RBM20: variants seen among roughly 807,000 people sequenced by gnomAD.
The protein encoded by RBM20 is RNA-binding protein 20.
A neutral mutation model predicts 110.1 loss-of-function variants in RBM20; 51 were observed. That is an observed-to-expected ratio of 0.46 (90% CI 0.37 to 0.59). RBM20 has a LOEUF of 0.59. Among genes scored for constraint, RBM20 ranks in the 20% least tolerant of loss-of-function variants. The pLI is 0.00. For synonymous variants in RBM20, 589 were observed against 618.2 expected (o/e 0.95, Z 0.70); for missense variants, 1,512 against 1,574.9 (o/e 0.96, Z 0.68).
At chr10:110,698,157 C>G (rs1862695789) in intron 1 of RBM20, among the ~76,000 whole-genome samples, 1 of 152,190 alleles carries the variant, frequency 6.6e-6, no homozygotes, top group African/African-American at 2.4e-5. Context: ...ATCCGCCCAC[C>G]TCGGCCTCCC....
At chr10:110,697,917 T>C (rs113601062) in intron 1 of RBM20, among the ~76,000 whole-genome samples, 25,824 of 146,934 alleles carry the variant, frequency 0.18, 2,504 homozygotes, top group East Asian at 0.31. Context: ...TTTTTTCTTT[T>C]TTTTTTTTGA....
chr10:110,745,969 AC>A lies in RBM20; in HGVS notation c.192-34828del, dbSNP rs202051892. 3.8e-4 allele frequency among the ~76,000 whole-genome samples: 58 copies of A among 152,190 alleles called. No individual in the cohort carries two copies. In the East Asian group the frequency reaches 0.011, roughly 29 times the overall value. On this transcript the variant is annotated intron_variant, in intron 1 of 13. Transcript: ENST00000369519. Reference sequence around the variant, plus strand: ...GTTCAAATCTGTTCCATTATAAGCCACCCCAGAACTTAATGATTTAGAACCC... The same window carrying A: ...GTTCAAATCTGTTCCATTATAAGCCACCCAGAACTTAATGATTTAGAACCC...
chr10:110,812,246 A>T (rs1345766790), intron 8 of RBM20, 32 bp from the exon 9 acceptor site: 1 of 1,509,290 alleles, frequency 6.6e-7, no homozygotes, highest in East Asian at 2.5e-5. Context: ...AGGTGTGAAG[A>T]TTCTAAATCC....
chr10:110,738,271 A>G (rs1462654349), intron 1 of RBM20, among the ~76,000 whole-genome samples: 3 of 152,182 alleles, frequency 2.0e-5, no homozygotes, highest in Non-Finnish European at 2.9e-5. Context: ...TATGTCCAAC[A>G]TAAAACCTGC....
chr10:110,750,182 G>C (rs370155517), intron 1 of RBM20, among the ~76,000 whole-genome samples: 4 of 152,184 alleles, frequency 2.6e-5, no homozygotes, highest in Admixed American at 1.3e-4. Context: ...GGGGACACAA[G>C]GGCTTGTTAC....
chr10:110,773,537 C>T (rs1234590420), intron 1 of RBM20, among the ~76,000 whole-genome samples: 1 of 151,954 alleles, frequency 6.6e-6, no homozygotes, highest in Non-Finnish European at 1.5e-5. Context: ...AAATTCTCAC[C>T]TATAATACCA....
chr10:110,665,200 G>A (rs550348021), intron 1 of RBM20, among the ~76,000 whole-genome samples: 33 of 152,218 alleles, frequency 2.2e-4, no homozygotes, highest in Non-Finnish European at 3.2e-4. Context: ...GAAGAATGCC[G>A]TCTAATAAAT....
rs572261854 is a variant in RBM20, at chr10:110,786,523, G to A, written c.1527+1634G>A. On this transcript the variant is annotated intron_variant, in intron 5 of 13. Coordinates refer to ENST00000369519, the MANE Select transcript of RBM20 (RefSeq NM_001134363.3). ...ATCTGTGATGTTGAATAGGAGAAGC[G>A]CTTCGAGAGAGCCCCTGTCTGGAAG... 1.6e-4 allele frequency among the ~76,000 whole-genome samples: 24 copies of A among 152,280 alleles called. No individual in the cohort carries two copies. In the South Asian group the frequency reaches 2.3e-3, roughly 14 times the overall value.
At chr10:110,827,569 A>C (rs1030994859) in intron 12 of RBM20, among the ~76,000 whole-genome samples, 1 of 152,152 alleles carries the variant, frequency 6.6e-6, no homozygotes, top group Non-Finnish European at 1.5e-5. Flanking sequence ...TCTACTACCT[A>C]CTGGCTGGAT....
Position 110,835,876 on chromosome 10 carries a change from G to GTGGAATATTTGTGGAATAT in RBM20, c.3583_3584insGGAATATTTGTGGAATATT (p.Ser1195TrpfsTer22). On this transcript the variant is annotated frameshift_variant, in exon 14 of 14. Coordinates refer to ENST00000369519, the MANE Select transcript of RBM20 (RefSeq NM_001134363.3). LOFTEE classifies it high-confidence loss of function. Reference sequence around the variant, plus strand: ...CCCTCTTCTTTCCACAGAAATATTTGTCCCAGCTGGCCGAGGAGGGCCTCA... The same window carrying GTGGAATATTTGTGGAATAT: ...CCCTCTTCTTTCCACAGAAATATTTGTGGAATATTTGTGGAATATTCCCAGCTGGCCGAGGAGGGCCTCA... The GTGGAATATTTGTGGAATAT allele has an allele frequency of 6.4e-7, 1 of 1,550,542 alleles. No individual in the cohort carries two copies. Among genetic ancestry groups the GTGGAATATTTGTGGAATAT allele is most frequent in the Non-Finnish European group, 8.7e-7 (1 of 1,146,258 alleles).
At chr10:110,794,852 C>T (rs1396409014) in intron 5 of RBM20, among the ~76,000 whole-genome samples, 2 of 152,212 alleles carry the variant, frequency 1.3e-5, no homozygotes, top group African/African-American at 4.8e-5. Context: ...CTGGCAGCTG[C>T]GAGGTTGTTT....
chr10:110,799,447 C>CT (rs1011742607), intron 6 of RBM20, among the ~76,000 whole-genome samples: 1 of 152,130 alleles, frequency 6.6e-6, no homozygotes, highest in Non-Finnish European at 1.5e-5. Context: ...CTTGTGCTGA[C>CT]TTTTTTTCCT....
chr10:110,738,151 G>C (rs1843690778), intron 1 of RBM20, among the ~76,000 whole-genome samples: 1 of 152,322 alleles, frequency 6.6e-6, no homozygotes, highest in Non-Finnish European at 1.5e-5. Flanking sequence ...GTGCTGAAGA[G>C]GAAAGAGGCA....
Position 110,791,065 on chromosome 10 carries a change from T to C in RBM20, c.1527+6176T>C, listed in dbSNP as rs144949790. Among the ~76,000 whole-genome samples the C allele has an allele frequency of 2.2e-4, 33 of 152,342 alleles. No homozygotes were observed. The East Asian group carries it at 6.2e-3, about 28-fold the overall frequency. ...AATTCACTCTGAGTCAGAGCTAATA[T>C]GCTCTATAAAATATTTGAAAGCATC... On this transcript the variant is annotated intron_variant, in intron 5 of 13. Transcript: ENST00000369519.
chr10:110,673,020 T>C (rs1424701527), intron 1 of RBM20, among the ~76,000 whole-genome samples: 2 of 152,192 alleles, frequency 1.3e-5, no homozygotes, highest in African/African-American at 4.8e-5. Flanking sequence ...TCATGCCATA[T>C]ACAGCCACTC....
Position 110,771,015 on chromosome 10 carries a change from T to TCTAC in RBM20, c.192-9784_192-9783insACCT, listed in dbSNP as rs1437701713. Among the ~76,000 whole-genome samples the TCTAC allele has an allele frequency of 2.6e-5, 4 of 152,390 alleles. No individual in the cohort carries two copies. In the East Asian group the frequency reaches 7.7e-4, roughly 29 times the overall value. On this transcript the variant is annotated intron_variant, in intron 1 of 13. Transcript: ENST00000369519. The stretch of plus-strand genomic sequence containing the variant: ...CAAAGACTGAATCTAATCCACATTC[T>TCTAC]CTGTAGAGCTTCATCTTTCAAAGCA...
chr10:110,715,526 A>G (rs1863002358), intron 1 of RBM20, among the ~76,000 whole-genome samples: 1 of 152,248 alleles, frequency 6.6e-6, no homozygotes, highest in East Asian at 1.9e-4. Context: ...ACTAGACTAA[A>G]GTCTTTTTTG....
At chr10:110,643,959 G>A (rs966711055), upstream of RBM20, among the ~76,000 whole-genome samples, 1 of 152,174 alleles carries the variant, frequency 6.6e-6, no homozygotes, top group Non-Finnish European at 1.5e-5. Context: ...GAGGCCGCGC[G>A]CACCGTCCCC....
At chr10:110,754,988 C>G (rs909784220) in intron 1 of RBM20, among the ~76,000 whole-genome samples, 1 of 152,152 alleles carries the variant, frequency 6.6e-6, no homozygotes, top group Admixed American at 6.5e-5. Flanking sequence ...CCTCTGGTTG[C>G]CTTTTGGAGT....
Sources: allele counts gnomAD v4.1 joint callset (sites outside exome capture counted in the v4.1 genomes callset), GRCh38; gene constraint gnomAD v4.1.1; transcripts MANE v1.5; gene names NCBI Gene and HGNC (gene_info 2026-07-23, HGNC 2026-07-21).